The following CPQ variants were observed in gnomAD, a reference collection of about 807,000 sequenced individuals.
CPQ encodes the protein Ser-Met dipeptidase.
In CPQ, 37 loss-of-function variants were observed where a neutral mutation model predicts 45.7. The observed-to-expected ratio is 0.81, with a 90% CI of 0.62 to 1.07. The LOEUF (loss-of-function observed/expected upper bound fraction) is 1.07. Ranked by LOEUF, CPQ falls within the 50% of genes least tolerant of loss-of-function variation. The pLI, the probability that CPQ is intolerant of heterozygous loss-of-function variation, is 0.00. For synonymous variants in CPQ, 186 were observed against 205.8 expected, an observed-to-expected ratio of 0.90 and a Z score of 0.82; for missense variants, 537 against 572.9, an observed-to-expected ratio of 0.94 and a Z score of 0.64.
At chr8:96,696,378 A>G (rs1265768049) in intron 1 of CPQ, among the ~76,000 whole-genome samples, 1 of 152,062 alleles carries the variant, frequency 6.6e-6, no homozygotes, top group Non-Finnish European at 1.5e-5. Flanking sequence ...CCAGCATGGC[A>G]CATGTGTACG....
chr8:96,853,292 T>G (rs1458494993), intron 3 of CPQ, among the ~76,000 whole-genome samples: 1 of 152,222 alleles, frequency 6.6e-6, no homozygotes, highest in Non-Finnish European at 1.5e-5. Flanking sequence ...GCCAGGGCGC[T>G]GTGACAGGCT....
At chr8:96,676,787 T>C (rs1239314748) in intron 1 of CPQ, among the ~76,000 whole-genome samples, 2 of 151,958 alleles carry the variant, frequency 1.3e-5, no homozygotes, top group African/African-American at 4.8e-5. Context: ...CAAGTAGTGT[T>C]CACTGTACCC....
At chr8:96,676,017 C>T (rs949976311) in intron 1 of CPQ, among the ~76,000 whole-genome samples, 16 of 151,846 alleles carry the variant, frequency 1.1e-4, no homozygotes, top group African/African-American at 3.6e-4. Context: ...AATAATTGTA[C>T]ATACTTATGG....
intron 1 of CPQ, among the ~76,000 whole-genome samples, chr8:96,769,554 G>T (rs1810513105): frequency 6.6e-6 from 1 of 151,512 alleles, no homozygotes; most frequent in African/African-American, 2.4e-5. Flanking sequence ...ATCCTCTTTG[G>T]ATTTCCGCAT....
chr8:97,118,121 T>G (rs1811626314), intron 7 of CPQ, among the ~76,000 whole-genome samples: 4 of 152,272 alleles, frequency 2.6e-5, no homozygotes, highest in South Asian at 2.1e-4. Flanking sequence ...CAAAAATCAT[T>G]TATTTAGTAT....
intron 2 of CPQ, among the ~76,000 whole-genome samples, chr8:96,801,121 G>T (rs563915153): frequency 6.6e-6 from 1 of 151,896 alleles, no homozygotes; most frequent in East Asian, 1.9e-4. Flanking sequence ...GATTACAGGC[G>T]TACACCACAA....
chr8:96,861,108 C>A (rs537138943), intron 3 of CPQ, among the ~76,000 whole-genome samples: 1 of 152,184 alleles, frequency 6.6e-6, no homozygotes, highest in African/African-American at 2.4e-5. Flanking sequence ...TTGGGCTTTG[C>A]ACTAGTGATA....
chr8:96,726,532 A>G (rs1361655489), intron 1 of CPQ, among the ~76,000 whole-genome samples: 9 of 152,118 alleles, frequency 5.9e-5, no homozygotes. Flanking sequence ...GGCATCTTAC[A>G]TGGCAGGAAC....
chr8:97,118,903 T>G (rs1811644380), intron 7 of CPQ, among the ~76,000 whole-genome samples: 1 of 152,206 alleles, frequency 6.6e-6, no homozygotes, highest in Admixed American at 6.5e-5. Flanking sequence ...CCAGCCATGC[T>G]TGTTCATTTA....
intron 2 of CPQ, among the ~76,000 whole-genome samples, chr8:96,786,820 T>C (rs984408795): frequency 1.3e-5 from 2 of 152,176 alleles, no homozygotes; most frequent in Admixed American, 1.3e-4. Flanking sequence ...TTGTTTATCT[T>C]CTTTGGAGAA....
chr8:97,010,039 T>C (rs1342275766), intron 5 of CPQ, among the ~76,000 whole-genome samples: 1 of 152,186 alleles, frequency 6.6e-6, no homozygotes, highest in Admixed American at 6.5e-5. Flanking sequence ...GGTGGGGCCA[T>C]AGTAGATACC....
At chr8:96,910,167 GT>G (rs1390099360) in intron 4 of CPQ, among the ~76,000 whole-genome samples, 1 of 152,076 alleles carries the variant, frequency 6.6e-6, no homozygotes, top group African/African-American at 2.4e-5. Flanking sequence ...GGTCTGTGGG[GT>G]TTTTTTCCCC....
intron 2 of CPQ, among the ~76,000 whole-genome samples, chr8:96,806,127 A>G (rs938703555): frequency 6.6e-6 from 1 of 152,188 alleles, no homozygotes; most frequent in African/African-American, 2.4e-5. Context: ...TGAGGCTAGC[A>G]CAACATTAGG....
At chr8:97,135,151 C>T (rs1301159545) in intron 7 of CPQ, among the ~76,000 whole-genome samples, 1 of 152,172 alleles carries the variant, frequency 6.6e-6, no homozygotes, top group Admixed American at 6.5e-5. Context: ...GGTACATGGG[C>T]TTAGTGGCGC....
chr8:96,736,141 A>G (rs1468699605), intron 1 of CPQ, among the ~76,000 whole-genome samples: 1 of 152,228 alleles, frequency 6.6e-6, no homozygotes, highest in African/African-American at 2.4e-5. Flanking sequence ...CCTTTGTCCA[A>G]TCCTGGAAGT....
intron 5 of CPQ, among the ~76,000 whole-genome samples, chr8:96,996,273 A>C (rs555466309): frequency 4.3e-4 from 65 of 152,082 alleles, no homozygotes; most frequent in Admixed American, 1.3e-3. Context: ...ATGAAATATT[A>C]ATCTTCAGGG....
intron 1 of CPQ, among the ~76,000 whole-genome samples, chr8:96,713,053 G>C (rs1809634200): frequency 6.6e-6 from 1 of 152,070 alleles, no homozygotes; most frequent in Non-Finnish European, 1.5e-5. Flanking sequence ...GTCTCTTTGT[G>C]TACCAAGAGC....
intron 1 of CPQ, chr8:96,659,420 A>C (rs79074761): frequency 0.017 from 2,535 of 152,292 alleles, 47 homozygotes; most frequent in Non-Finnish European, 0.026. Flanking sequence ...GGGGCATCCA[A>C]GGAAAGTCGC....
intron 1 of CPQ, among the ~76,000 whole-genome samples, chr8:96,723,395 A>G (rs1415256850): frequency 1.3e-5 from 2 of 152,146 alleles, no homozygotes; most frequent in Admixed American, 6.5e-5. Context: ...TTATCCTGCT[A>G]ATGGAGTATT....
Sources: allele counts gnomAD v4.1 joint callset (sites outside exome capture counted in the v4.1 genomes callset), GRCh38; gene constraint gnomAD v4.1.1; transcripts MANE v1.5; gene names NCBI Gene and HGNC (gene_info 2026-07-23, HGNC 2026-07-21).